BCAR3: variants seen among roughly 807,000 people sequenced by gnomAD.
The protein encoded by BCAR3 is BCAR3 adaptor protein, NSP family member, also known as breast cancer anti-estrogen resistance protein 3.
In BCAR3, 37 loss-of-function variants were observed where a neutral mutation model predicts 80.1. The ratio of observed to expected loss-of-function variants is 0.46; its 90% CI spans 0.36 to 0.61. The LOEUF is 0.61. BCAR3 is among the 20% of genes least tolerant of loss of function. BCAR3 has a pLI of 0.00. For missense variants in BCAR3, 978 were observed against 1,068.2 expected, an observed-to-expected ratio of 0.92 and a Z score of 1.18; for synonymous variants, 389 against 418.9, an observed-to-expected ratio of 0.93 and a Z score of 0.87.
At chr1:93,771,958 G>C (rs1652368975) in intron 2 of BCAR3, among the ~76,000 whole-genome samples, 1 of 152,208 alleles carries the variant, frequency 6.6e-6, no homozygotes, top group Non-Finnish European at 1.5e-5. Context: ...GCTGTGGCCA[G>C]AGCAAATCAT....
chr1:93,690,461 G>A (rs896489141), intron 3 of BCAR3, among the ~76,000 whole-genome samples: 5 of 152,154 alleles, frequency 3.3e-5, no homozygotes, highest in African/African-American at 1.2e-4. Flanking sequence ...TTACAGATGA[G>A]GACATGGTCC....
chr1:93,661,985 C>T (rs1647683179), intron 2 of BCAR3, among the ~76,000 whole-genome samples: 1 of 152,094 alleles, frequency 6.6e-6, no homozygotes, highest in South Asian at 2.1e-4. Flanking sequence ...TATTCTGCAC[C>T]CAGGGTTAAC....
At chr1:93,630,398 CGAA>C (rs979648644) in intron 3 of BCAR3, among the ~76,000 whole-genome samples, 1 of 151,148 alleles carries the variant, frequency 6.6e-6, no homozygotes, top group African/African-American at 2.4e-5. Context: ...CCAAGGCAGG[CGAA>C]TCACTTGAGC....
intron 2 of BCAR3, among the ~76,000 whole-genome samples, chr1:93,644,512 T>C (rs904710193): frequency 6.6e-5 from 10 of 152,250 alleles, no homozygotes; most frequent in African/African-American, 2.4e-4. Flanking sequence ...GATTGACGGA[T>C]GGCTCATGCC....
intron 2 of BCAR3, among the ~76,000 whole-genome samples, chr1:93,719,240 C>T (rs981315312): frequency 2.0e-5 from 3 of 151,684 alleles, no homozygotes; most frequent in Non-Finnish European, 2.9e-5. Flanking sequence ...ATGGTTGATG[C>T]TCCATGTTGT....
At chr1:93,615,681 C>G (rs1038300659) in intron 3 of BCAR3, among the ~76,000 whole-genome samples, 1 of 152,154 alleles carries the variant, frequency 6.6e-6, no homozygotes, top group Non-Finnish European at 1.5e-5. Flanking sequence ...TGTGAGGAAG[C>G]GTTTTCTGGC....
chr1:93,693,972 C>T (rs972174722), intron 3 of BCAR3, among the ~76,000 whole-genome samples: 11 of 152,186 alleles, frequency 7.2e-5, no homozygotes, highest in African/African-American at 1.4e-4. Context: ...TTAATCCTCA[C>T]GACAGCTCTT....
intron 3 of BCAR3, among the ~76,000 whole-genome samples, chr1:93,688,973 A>T (rs1380127756): frequency 5.9e-5 from 9 of 152,186 alleles, no homozygotes; most frequent in Non-Finnish European, 1.2e-4. Context: ...ATGTTACTTA[A>T]AAACAAATTC....
chr1:93,751,888 C>T (rs1473499207), intron 2 of BCAR3, among the ~76,000 whole-genome samples: 1 of 152,256 alleles, frequency 6.6e-6, no homozygotes, highest in Non-Finnish European at 1.5e-5. Context: ...CCAGCTTTGG[C>T]TCTGGTATCT....
At chr1:93,680,550 C>A (rs1346121253) in intron 1 of BCAR3, among the ~76,000 whole-genome samples, 1 of 152,190 alleles carries the variant, frequency 6.6e-6, no homozygotes, top group Non-Finnish European at 1.5e-5. Flanking sequence ...ACAAGGGAGG[C>A]TATCAGCTCC....
upstream of BCAR3, among the ~76,000 whole-genome samples, chr1:93,684,262 G>C (rs546527618): frequency 1.1e-4 from 16 of 152,254 alleles, no homozygotes; most frequent in South Asian, 1.4e-3. Context: ...AGTTTTTCTT[G>C]ATTTTCAAAG....
intron 2 of BCAR3, among the ~76,000 whole-genome samples, chr1:93,728,643 C>G (rs1650678693): frequency 6.6e-6 from 1 of 152,170 alleles, no homozygotes; most frequent in Admixed American, 6.5e-5. Flanking sequence ...CCAACTGTCC[C>G]AGCCAAACTC....
chr1:93,703,542 G>A (rs550956642), intron 3 of BCAR3, among the ~76,000 whole-genome samples: 2 of 146,256 alleles, frequency 1.4e-5, no homozygotes, highest in Non-Finnish European at 3.0e-5. Flanking sequence ...ACTCCAGCCT[G>A]TGACAGAGCA....
Position 93,809,054 on chromosome 1 carries a change from G to A in BCAR3, c.-63+36513C>T, listed in dbSNP as rs1482723848. ...TGGGAAGTAGAAGAGAGAGAGAAGC[G>A]GGAGGGAAGGGTAGGGTGCCAAGTG... is the stretch of plus-strand genomic sequence containing the variant. On this transcript the variant is annotated intron_variant, in intron 2 of 13. Transcript: ENST00000370244. Among the ~76,000 whole-genome samples the A allele has an allele frequency of 7.2e-5, 11 of 152,142 alleles. No individual in the cohort carries two copies. The South Asian group carries it at 1.0e-3, about 14-fold the overall frequency.
intron 2 of BCAR3, among the ~76,000 whole-genome samples, chr1:93,786,391 G>T (rs970416074): frequency 2.0e-5 from 3 of 152,080 alleles, no homozygotes; most frequent in African/African-American, 7.2e-5. Context: ...GCTCTAACTG[G>T]CTAGCTATGT....
intron 2 of BCAR3, among the ~76,000 whole-genome samples, chr1:93,648,368 C>T (rs562852783): frequency 4.6e-5 from 7 of 151,952 alleles, no homozygotes; most frequent in African/African-American, 1.7e-4. Context: ...GTAAAAGTAC[C>T]AAAAGCTACT....
intron 3 of BCAR3, among the ~76,000 whole-genome samples, chr1:93,620,425 C>A (rs1473203063): frequency 6.6e-6 from 1 of 152,192 alleles, no homozygotes; most frequent in East Asian, 1.9e-4. Flanking sequence ...CATCTGCTCA[C>A]ATGATCCTAA....
chr1:93,781,764 C>CT lies in BCAR3; in HGVS notation c.-63+63802dup, dbSNP rs537949759. ...CCTATGCCTGTCTACTTTCCTATCT[C>CT]TTCCTGCTGTTTGGGTTTTTAGATT... On this transcript the variant is annotated intron_variant, in intron 2 of 13. Coordinates refer to the BCAR3 transcript ENST00000370244. Among the ~76,000 whole-genome samples, 41 of 152,330 alleles carry CT rather than the reference C, an allele frequency of 2.7e-4. No individual in the cohort carries two copies. In the South Asian group the frequency reaches 8.3e-3, roughly 31 times the overall value.
Position 93,589,191 on chromosome 1 carries a change from G to A in BCAR3, c.715C>T (p.Arg239Trp), listed in dbSNP as rs770345633. 1.1e-5 allele frequency: 17 copies of A among 1,613,796 alleles called. No homozygotes were observed. Among genetic ancestry groups the A allele is most frequent in the East Asian group, 4.5e-5 (2 of 44,874 alleles). ...GLVRCYVGNR[R>W]PISQQSGAII... is the part of the protein sequence containing the mutation. ...GCGCCACTCTGCTGGGAGATGGGCC[G>A]GCGGTTGCCCACGTAGCAGCGCACC... Residue 239 changes from arginine to tryptophan, a missense_variant, in exon 5 of 12, where the codon CGG (arginine) becomes TGG (tryptophan). Physicochemically the swap from Arg to Trp is moderately radical, Grantham distance 101 (BLOSUM62 -3). Coordinates refer to ENST00000260502, the MANE Select transcript of BCAR3 (RefSeq NM_003567.4).
Sources: gnomAD v4.1 joint callset for allele counts (sites outside exome capture counted in the v4.1 genomes callset) on GRCh38, gnomAD v4.1.1 for gene constraint, MANE v1.5 for transcripts, NCBI Gene and HGNC (gene_info 2026-07-23, HGNC 2026-07-21) for gene names.